NFAM1: variants seen among roughly 807,000 people sequenced by gnomAD.
NFAM1 encodes the protein NFAT activating protein with ITAM motif 1, also known as NFAT activation molecule 1.
A neutral mutation model predicts 29.0 loss-of-function variants in NFAM1; 17 were observed. The ratio of observed to expected loss-of-function variants is 0.59; its 90% CI spans 0.40 to 0.88. The LOEUF is 0.88. NFAM1 is among the 40% of genes least tolerant of loss of function. The probability of loss-of-function intolerance (pLI) is 0.00; values close to 1 mark genes in which losing one functional copy is unlikely to be tolerated. For missense variants in NFAM1, 324 were observed against 344.6 expected, an observed-to-expected ratio of 0.94 and a Z score of 0.47; for synonymous variants, 175 against 147.2, an observed-to-expected ratio of 1.19 and a Z score of -1.36.
At chr22:42,432,078 G>A (rs931644549) in intron 1 of NFAM1, among the ~76,000 whole-genome samples, 159 bp downstream of exon 1, 2 of 152,212 alleles carry the variant, frequency 1.3e-5, no homozygotes, top group Admixed American at 6.5e-5. Context: ...ACATCTTCTC[G>A]GTCCCAGAAG....
At chr22:42,401,506 G>T (rs1181137092) in intron 3 of NFAM1, among the ~76,000 whole-genome samples, 1 of 151,900 alleles carries the variant, frequency 6.6e-6, no homozygotes, top group East Asian at 1.9e-4. Context: ...CAGGAGAGAG[G>T]CCTCCTGGGG....
Position 42,388,560 on chromosome 22 carries a change from C to T in NFAM1, c.664-1482G>A, listed in dbSNP as rs1025266522. ...GGATGCCGGCTGGTTGCCAAGGAGG[C>T]GGTTTCCCTGGCAACAGGCAAGCAG... On this transcript the variant is annotated intron_variant, in intron 4 of 5. Coordinates refer to ENST00000329021, the MANE Select transcript of NFAM1 (RefSeq NM_145912.8). This position sits in a 1 kb window ranked among gnomAD's most constrained non-coding sequence, Gnocchi z 4.1. Among the ~76,000 whole-genome samples, 2 of 146,656 alleles carry T rather than the reference C, an allele frequency of 1.4e-5. No homozygotes were observed. The highest frequency in any genetic ancestry group is 5.0e-5 in the African/African-American group (2 of 40,364).
In NFAM1 at chr22:42,387,080, TA is replaced by T; in HGVS notation, c.664-3del. 6.4e-7 allele frequency: 1 copy of T among 1,565,380 alleles called. No individual in the cohort carries two copies. The highest frequency in any genetic ancestry group is 8.7e-7 in the Non-Finnish European group (1 of 1,151,752). ...CTCGGTCTCGCGGCGCTGCAGAGCCTACAGGAAACGGGGTGCCAGGATCAGG... is the reference window on the plus strand; with the variant it reads ...CTCGGTCTCGCGGCGCTGCAGAGCCTCAGGAAACGGGGTGCCAGGATCAGG... On this transcript the variant is annotated splice_region_variant and splice_polypyrimidine_tract_variant and intron_variant, in intron 4 of 5. Coordinates refer to ENST00000329021, the MANE Select transcript of NFAM1 (RefSeq NM_145912.8).
At chr22:42,412,345 C>A (rs761132028) in intron 1 of NFAM1, among the ~76,000 whole-genome samples, 2 of 152,204 alleles carry the variant, frequency 1.3e-5, no homozygotes, top group African/African-American at 4.8e-5. Flanking sequence ...AAGCATATTA[C>A]GCACACCACT....
At chr22:42,386,928 C>T (rs1929165997) in intron 5 of NFAM1, 61 bp downstream of exon 5, 2 of 905,334 alleles carry the variant, frequency 2.2e-6, no homozygotes, top group East Asian at 2.8e-5. Context: ...CCCCACTTCA[C>T]CAGTGATGGG....
upstream of NFAM1, among the ~76,000 whole-genome samples, chr22:42,435,049 G>A (rs1025484887): frequency 4.6e-5 from 7 of 152,222 alleles, no homozygotes; most frequent in East Asian, 1.9e-4. Context: ...GAGCAGTTCC[G>A]GGAAGCTTCC....
chr22:42,416,377 C>T (rs182688161), intron 1 of NFAM1, among the ~76,000 whole-genome samples: 26 of 152,216 alleles, frequency 1.7e-4, no homozygotes, highest in African/African-American at 3.1e-4. Flanking sequence ...GGCCAGGCTT[C>T]GGACCCCAGT....
At chr22:42,396,673 C>G (rs1929536117) in intron 4 of NFAM1, among the ~76,000 whole-genome samples, 1 of 152,150 alleles carries the variant, frequency 6.6e-6, no homozygotes, top group Non-Finnish European at 1.5e-5. Context: ...AAAACCGTGG[C>G]TGACAGAAAC....
At chr22:42,435,953 G>A (rs1320296835), upstream of NFAM1, among the ~76,000 whole-genome samples, 1 of 151,438 alleles carries the variant, frequency 6.6e-6, no homozygotes, top group Non-Finnish European at 1.5e-5. Context: ...CCGAGTAGTT[G>A]GGATTACAGG....
At chr22:42,390,470 G>A (rs915609738) in intron 4 of NFAM1, among the ~76,000 whole-genome samples, 6 of 152,102 alleles carry the variant, frequency 3.9e-5, no homozygotes, top group African/African-American at 9.7e-5. Flanking sequence ...TTTTGAAAGG[G>A]AAGTCAGGAA....
intron 3 of NFAM1, among the ~76,000 whole-genome samples, chr22:42,402,979 A>G (rs111549662): frequency 0.028 from 4,227 of 149,304 alleles, 201 homozygotes; most frequent in African/African-American, 0.1. Flanking sequence ...GGATTACAGG[A>G]GCCTACCACC....
intron 1 of NFAM1, among the ~76,000 whole-genome samples, chr22:42,427,548 T>C (rs151217367): frequency 0.011 from 1,685 of 152,322 alleles, 8 homozygotes; most frequent in Non-Finnish European, 0.018. Flanking sequence ...CTTTTGATTT[T>C]TTCAACCACT....
chr22:42,394,042 T>G (rs1036968763), intron 4 of NFAM1, among the ~76,000 whole-genome samples: 1 of 152,160 alleles, frequency 6.6e-6, no homozygotes, highest in African/African-American at 2.4e-5. Flanking sequence ...TTTATTTATT[T>G]ATTTATTTTT....
chr22:42,399,169 G>A (rs747418721), intron 3 of NFAM1, among the ~76,000 whole-genome samples: 9 of 152,066 alleles, frequency 5.9e-5, no homozygotes, highest in Non-Finnish European at 1.2e-4. Context: ...GGCCAGGCAC[G>A]GTGGCTCATG....
chr22:42,436,963 A>G, upstream of NFAM1: 1 of 967,774 alleles, frequency 1.0e-6, no homozygotes, highest in Non-Finnish European at 1.2e-6. Context: ...CACCTGCTTG[A>G]GGTCACAGAG....
chr22:42,395,092 G>A (rs1929473468), intron 4 of NFAM1, among the ~76,000 whole-genome samples: 1 of 152,110 alleles, frequency 6.6e-6, no homozygotes, highest in African/African-American at 2.4e-5. Context: ...GAAGATAGCT[G>A]GAGACCGGGA....
intron 4 of NFAM1, among the ~76,000 whole-genome samples, chr22:42,396,483 T>A (rs868825988): frequency 2.7e-5 from 4 of 149,970 alleles, no homozygotes; most frequent in Admixed American, 1.3e-4. Flanking sequence ...TTTTCTTCTT[T>A]TATATATATA....
intron 1 of NFAM1, among the ~76,000 whole-genome samples, chr22:42,423,711 C>G (rs1231126940): frequency 6.9e-6 from 1 of 145,926 alleles, no homozygotes; most frequent in East Asian, 2.0e-4. Flanking sequence ...AGTATGAAAC[C>G]CCATCCCTCT....
At position 42,387,294 on chromosome 22, in the gene NFAM1, C is replaced by T. The variant is rs529579835; in HGVS notation, c.664-216G>A. Reference sequence around the variant, plus strand: ...GACCCCTCTCTGTTCTCGGCCACCTCCCTAACCTCCCTTAAGGACCTCCAG... The same window carrying T: ...GACCCCTCTCTGTTCTCGGCCACCTTCCTAACCTCCCTTAAGGACCTCCAG... On this transcript the variant is annotated intron_variant, in intron 4 of 5. Coordinates refer to ENST00000329021, the MANE Select transcript of NFAM1 (RefSeq NM_145912.8). Among the ~76,000 whole-genome samples the T allele has an allele frequency of 9.2e-5, 14 of 152,286 alleles. No individual in the cohort carries two copies. The East Asian group carries it at 2.7e-3, about 29-fold the overall frequency.
Sources: gnomAD v4.1 joint callset for allele counts (sites outside exome capture counted in the v4.1 genomes callset) on GRCh38, gnomAD v4.1.1 for gene constraint, Gnocchi (gnomAD v3.1) non-coding constraint, MANE v1.5 for transcripts, NCBI Gene and HGNC (gene_info 2026-07-23, HGNC 2026-07-21) for gene names.